The following SHCBP1L variants were observed in gnomAD, a reference collection of about 807,000 sequenced individuals.
SHCBP1L encodes the protein SHC binding and spindle associated 1 like, also known as testicular spindle-associated protein SHCBP1L.
A neutral mutation model predicts 62.5 loss-of-function variants in SHCBP1L; 67 were observed. That is an observed-to-expected ratio of 1.07 (90% CI 0.88 to 1.31). The LOEUF (loss-of-function observed/expected upper bound fraction) is 1.31. Ranked by LOEUF, SHCBP1L falls within the 40% of genes most tolerant of loss-of-function variation. The pLI is 0.00. For synonymous variants in SHCBP1L, 284 were observed against 289.4 expected (o/e 0.98, Z 0.19); for missense variants, 823 against 809.8 (o/e 1.02, Z -0.20).
At chr1:182,942,403 C>G (rs1455208063) in intron 2 of SHCBP1L, 1 of 719,900 alleles carries the variant, frequency 1.4e-6, no homozygotes. Flanking sequence ...TCTTGGGTAT[C>G]CTGGCGGCAG....
rs749701220 is a variant in SHCBP1L, at chr1:182,939,316, GT to G, written c.935del (p.Asn312ThrfsTer32). 1.2e-5 allele frequency: 20 copies of G among 1,613,728 alleles called. No homozygotes were observed. The Admixed American group carries it at 3.3e-4, about 27-fold the overall frequency. ...RFKKTLEKYK[N>X]KRVELIEYQS... ...GATACTCAATGAGCTCGACACGTTT[GT>G]TTTTATATTTCTCCAAAGTTTTTTT... On this transcript the variant is annotated frameshift_variant, in exon 5 of 10. Transcript: ENST00000367547. LOFTEE classifies it high-confidence loss of function.
chr1:182,935,718 A>G (rs1194524849), intron 5 of SHCBP1L, among the ~76,000 whole-genome samples: 2 of 152,176 alleles, frequency 1.3e-5, no homozygotes, highest in Admixed American at 6.5e-5. Context: ...GAATTGTTAC[A>G]TCTTCCTGGA....
At chr1:182,934,201 C>G (rs1173048298) in intron 5 of SHCBP1L, among the ~76,000 whole-genome samples, 2 of 151,922 alleles carry the variant, frequency 1.3e-5, no homozygotes, top group East Asian at 3.8e-4. Context: ...GGGTAAATAC[C>G]AAGTAGGATT....
intron 6 of SHCBP1L, 86 bp downstream of exon 6, chr1:182,929,561 G>A (rs1376870691): frequency 4.1e-6 from 3 of 739,272 alleles, no homozygotes; most frequent in Non-Finnish European, 6.3e-6. Flanking sequence ...TTAATGATTA[G>A]ACAAGGACTC....
rs1651806200 is a variant in SHCBP1L at position 182,952,454 on chromosome 1, C to T, written c.405+275G>A. 1.7e-5 allele frequency: 7 copies of T among 409,502 alleles called. No homozygotes were observed. The South Asian group carries it at 3.6e-4, about 21-fold the overall frequency. The allele number at this position is 409,502 out of a possible 1,614,324, so 25.4% of individuals were successfully genotyped here. Reference sequence around the variant, plus strand: ...TGCAATGATAAGGCCAATATATCTTCATTTTTTAGGAGCTCTCAGAAAATT... The same window carrying T: ...TGCAATGATAAGGCCAATATATCTTTATTTTTTAGGAGCTCTCAGAAAATT... On this transcript the variant is annotated intron_variant, in intron 1 of 9. Transcript: ENST00000367547.
At chr1:182,940,144 G>A (rs1279440427) in intron 3 of SHCBP1L, among the ~76,000 whole-genome samples, 185 bp downstream of exon 3, 1 of 151,992 alleles carries the variant, frequency 6.6e-6, no homozygotes, top group Non-Finnish European at 1.5e-5. Flanking sequence ...TAATGTTTCT[G>A]CAAGGAAATG....
In SHCBP1L at chr1:182,907,790, G is replaced by A. The variant is rs1196510023; in HGVS notation, c.1183-2141C>T. Among the ~76,000 whole-genome samples, 6 of 152,182 alleles carry A rather than the reference G, an allele frequency of 3.9e-5. No homozygotes were observed. In the South Asian group the frequency reaches 6.2e-4, roughly 16 times the overall value. Reference sequence around the variant, plus strand: ...GACGGGGTTTCACCATGTTGGCCAGGCTGGTCTCGAACTCCTGACCTCAAG... The same window carrying A: ...GACGGGGTTTCACCATGTTGGCCAGACTGGTCTCGAACTCCTGACCTCAAG... On this transcript the variant is annotated intron_variant, in intron 6 of 9. Coordinates refer to ENST00000367547, the MANE Select transcript of SHCBP1L (RefSeq NM_030933.4).
At chr1:182,949,774 C>A (rs1651686854) in intron 2 of SHCBP1L, among the ~76,000 whole-genome samples, 1 of 151,080 alleles carries the variant, frequency 6.6e-6, no homozygotes, top group Non-Finnish European at 1.5e-5. Context: ...ATTAACTAAT[C>A]CCAATAATCT....
At chr1:182,942,324 T>TA in intron 2 of SHCBP1L, 3 of 841,810 alleles carry the variant, frequency 3.6e-6, no homozygotes, top group South Asian at 1.3e-5. Context: ...GCAGGAGGCT[T>TA]AGCTGACAAC....
Position 182,939,334 on chromosome 1 carries a change from AG to A in SHCBP1L, c.917del (p.Thr306IlefsTer38). 6.2e-7 allele frequency: 1 copy of A among 1,613,984 alleles called. No homozygotes were observed. Among genetic ancestry groups the A allele is most frequent in the Non-Finnish European group, 8.5e-7 (1 of 1,179,960 alleles). On this transcript the variant is annotated frameshift_variant, in exon 5 of 10. Coordinates refer to ENST00000367547, the MANE Select transcript of SHCBP1L (RefSeq NM_030933.4). LOFTEE classifies it high-confidence loss of function. ...CACGTTTGTTTTTATATTTCTCCAAAGTTTTTTTAAAACGTTGTGCGATAGG... is the reference window on the plus strand; with the variant it reads ...CACGTTTGTTTTTATATTTCTCCAAATTTTTTTAAAACGTTGTGCGATAGG... Reference protein sequence around the residue: ...PGPIAQRFKKTLEKYKNKRVE... With the variant: ...PGPIAQRFKKXLEKYKNKRVE...
intron 6 of SHCBP1L, among the ~76,000 whole-genome samples, chr1:182,927,671 C>CAAAAA (rs1049517840): frequency 4.1e-5 from 3 of 72,796 alleles, no homozygotes; most frequent in Admixed American, 1.4e-4. Flanking sequence ...GACTCCGTCT[C>CAAAAA]AAAAAAAAAA....
chr1:182,929,595 G>C, intron 6 of SHCBP1L, 52 bp downstream of exon 6: 1 of 1,244,182 alleles, frequency 8.0e-7, no homozygotes, highest in Non-Finnish European at 1.1e-6. Flanking sequence ...CTTCTTTTCC[G>C]ATTATACACA....
intron 6 of SHCBP1L, among the ~76,000 whole-genome samples, chr1:182,919,492 G>T (rs1481931633): frequency 1.3e-5 from 2 of 152,166 alleles, no homozygotes; most frequent in Non-Finnish European, 2.9e-5. Flanking sequence ...TCCCAACTCT[G>T]TTGTGTTGAG....
chr1:182,939,051 C>A, intron 5 of SHCBP1L, 125 bp downstream of exon 5: 1 of 694,304 alleles, frequency 1.4e-6, no homozygotes, highest in Non-Finnish European at 2.3e-6. Flanking sequence ...TTGTGCTTAC[C>A]TCATAAATTA....
At chr1:182,913,634 G>C (rs1650260694) in intron 6 of SHCBP1L, among the ~76,000 whole-genome samples, 1 of 152,126 alleles carries the variant, frequency 6.6e-6, no homozygotes, top group African/African-American at 2.4e-5. Context: ...TGGACTTTAA[G>C]TAAGATAAAC....
rs1233584969 is a variant in SHCBP1L, at chr1:182,904,391, G to A, written c.1376C>T (p.Pro459Leu). The A allele has an allele frequency of 3.1e-6, 5 of 1,613,974 alleles. No individual in the cohort carries two copies. In the Admixed American group the frequency reaches 8.3e-5, roughly 27 times the overall value. The change falls in exon 8 of 10, where the codon CCT becomes CTT. Residue 459 changes from proline to leucine, a missense_variant. Physicochemically the swap from Pro to Leu is moderately conservative, Grantham distance 98. Transcript: ENST00000367547. ...GGACACCACAAAACTGTCACGAGAA[G>A]GTTCAGAAGTAATCATAATTTCCTC... Reference protein sequence around the residue: ...KREEIMITSEPSRDSFVVSKA... With the variant: ...KREEIMITSELSRDSFVVSKA...
At chr1:182,951,184 A>T in intron 2 of SHCBP1L, 134 bp downstream of exon 2, 1 of 649,012 alleles carries the variant, frequency 1.5e-6, no homozygotes, top group Non-Finnish European at 2.4e-6. Flanking sequence ...TTACACTATT[A>T]ATTTTCTCGG....
intron 2 of SHCBP1L, among the ~76,000 whole-genome samples, chr1:182,946,257 C>A (rs1045655623): frequency 6.6e-6 from 1 of 152,048 alleles, no homozygotes; most frequent in Non-Finnish European, 1.5e-5. Flanking sequence ...TTCTGAGAAA[C>A]CTTTACAATT....
At position 182,904,386 on chromosome 1, in the gene SHCBP1L, G is replaced by A. The variant is rs753774714; in HGVS notation, c.1381C>T (p.Arg461Cys). The A allele has an allele frequency of 7.4e-6, 12 of 1,613,992 alleles. No individual in the cohort carries two copies. The highest frequency in any genetic ancestry group is 3.3e-5 in the Admixed American group (2 of 59,982). Reference sequence around the variant, plus strand: ...GCTTTGGACACCACAAAACTGTCACGAGAAGGTTCAGAAGTAATCATAATT... The same window carrying A: ...GCTTTGGACACCACAAAACTGTCACAAGAAGGTTCAGAAGTAATCATAATT... ...EEIMITSEPSRDSFVVSKADN... is the reference protein window; with the variant it reads ...EEIMITSEPSCDSFVVSKADN... Residue 461 changes from arginine to cysteine, a missense_variant, in exon 8 of 10, where the codon CGT becomes TGT. Arg to Cys is a radical substitution (Grantham distance 180). Transcript: ENST00000367547.
Sources: gnomAD v4.1 joint callset for allele counts (sites outside exome capture counted in the v4.1 genomes callset) on GRCh38, gnomAD v4.1.1 for gene constraint, MANE v1.5 for transcripts, NCBI Gene and HGNC (gene_info 2026-07-23, HGNC 2026-07-21) for gene names.